DYSF: variants seen among roughly 807,000 people sequenced by gnomAD.
The protein encoded by DYSF is dysferlin, also known as dystrophy-associated fer-1-like 1.
DYSF carries 212 observed loss-of-function variants against 274.9 expected under a neutral mutation model. That is an observed-to-expected ratio of 0.77 (90% CI 0.69 to 0.86). The LOEUF (loss-of-function observed/expected upper bound fraction) is 0.86. DYSF is among the 40% of genes least tolerant of loss of function. The pLI, the probability that DYSF is intolerant of heterozygous loss-of-function variation, is 0.00. For missense variants in DYSF, 2,666 were observed against 2,783.2 expected (o/e 0.96, Z 0.95); for synonymous variants, 1,091 against 1,078.7 (o/e 1.01, Z -0.22).
intron 17 of DYSF, among the ~76,000 whole-genome samples, chr2:71,544,297 G>T (rs1432567170): frequency 6.6e-6 from 1 of 152,048 alleles, no homozygotes; most frequent in Non-Finnish European, 1.5e-5. Flanking sequence ...CATCTCCTCA[G>T]ATCTTTAGCT....
intron 30 of DYSF, among the ~76,000 whole-genome samples, chr2:71,579,881 G>T (rs529779813): frequency 6.6e-6 from 1 of 152,366 alleles, no homozygotes; most frequent in South Asian, 2.1e-4. Context: ...AGGAAGGTCT[G>T]CTGGACAGTG....
At chr2:71,632,597 T>A (rs2094333089) in intron 41 of DYSF, among the ~76,000 whole-genome samples, 2 of 152,226 alleles carry the variant, frequency 1.3e-5, no homozygotes, top group Admixed American at 1.3e-4. Flanking sequence ...TAAGGTATGC[T>A]GCCCAGGCCC....
At chr2:71,471,763 A>G (rs2082049650) in intron 1 of DYSF, among the ~76,000 whole-genome samples, 1 of 152,180 alleles carries the variant, frequency 6.6e-6, no homozygotes, top group Non-Finnish European at 1.5e-5. Flanking sequence ...TGAGGCCAGG[A>G]GTTCCAGGCC....
intron 26 of DYSF, among the ~76,000 whole-genome samples, chr2:71,569,570 C>T (rs1475481171): frequency 6.6e-6 from 1 of 152,196 alleles, no homozygotes; most frequent in East Asian, 1.9e-4. Flanking sequence ...CTTTTGCTGT[C>T]TTCAGTTGGC....
intron 14 of DYSF, among the ~76,000 whole-genome samples, chr2:71,529,136 A>C (rs2088347946): frequency 6.6e-6 from 1 of 152,190 alleles, no homozygotes; most frequent in Admixed American, 6.5e-5. Context: ...AAACTGCCCC[A>C]TATCCAAAAG....
rs564819630 is a variant in DYSF at position 71,550,611 on chromosome 2, G to A, written c.1577-430G>A. Among the ~76,000 whole-genome samples, 42 of 152,208 alleles carry A rather than the reference G, an allele frequency of 2.8e-4. 1 individual carries two copies. The highest frequency in any genetic ancestry group is 2.0e-4 in the Admixed American group (3 of 15,300). ...CAGGGCCTACAGTGCCTATAGAAGC[G>A]TAGGATGGAGAGCACATGCAGGACA... On this transcript the variant is annotated intron_variant, in intron 17 of 55. Coordinates refer to ENST00000410020, the MANE Select transcript of DYSF (RefSeq NM_001130987.2).
At chr2:71,583,985 A>T (rs2092981146) in intron 30 of DYSF, among the ~76,000 whole-genome samples, 1 of 152,122 alleles carries the variant, frequency 6.6e-6, no homozygotes, top group Admixed American at 6.5e-5. Context: ...AGCGGGTTGG[A>T]GGCCACCCAG....
intron 17 of DYSF, among the ~76,000 whole-genome samples, chr2:71,548,360 T>C (rs527790852): frequency 5.2e-4 from 79 of 152,314 alleles, no homozygotes; most frequent in African/African-American, 1.9e-3. Context: ...AAACGAGTGT[T>C]TTCTGGAGGA....
At chr2:71,483,142 G>A (rs1451043692) in intron 3 of DYSF, among the ~76,000 whole-genome samples, 1 of 152,214 alleles carries the variant, frequency 6.6e-6, no homozygotes, top group Non-Finnish European at 1.5e-5. Flanking sequence ...ATGGTGTGGG[G>A]AGGGTGGGGC....
intron 39 of DYSF, among the ~76,000 whole-genome samples, chr2:71,613,021 G>C (rs1409419941): frequency 1.3e-5 from 2 of 152,158 alleles, no homozygotes; most frequent in African/African-American, 4.8e-5. Flanking sequence ...ATACCCGTTG[G>C]AGCTGAGGGG....
intron 41 of DYSF, among the ~76,000 whole-genome samples, chr2:71,633,986 C>T (rs1463691107): frequency 1.3e-5 from 2 of 152,146 alleles, no homozygotes; most frequent in Non-Finnish European, 2.9e-5. Context: ...TTTGGGTCTT[C>T]AGGGGGATTA....
chr2:71,627,357 A>G (rs1366555037), intron 41 of DYSF, among the ~76,000 whole-genome samples: 1 of 151,998 alleles, frequency 6.6e-6, no homozygotes, highest in Non-Finnish European at 1.5e-5. Context: ...GTCTAAAAAT[A>G]TGGTTTTTGG....
chr2:71,583,010 C>T (rs944443942), intron 30 of DYSF, among the ~76,000 whole-genome samples: 1 of 123,204 alleles, frequency 8.1e-6, no homozygotes, highest in African/African-American at 3.2e-5. Context: ...CGCCACTGCA[C>T]TCCAGCTTGG....
At chr2:71,642,347 C>T (rs984153279) in intron 41 of DYSF, among the ~76,000 whole-genome samples, 1 of 152,218 alleles carries the variant, frequency 6.6e-6, no homozygotes, top group Admixed American at 6.5e-5. Context: ...TTAGCATACA[C>T]ATCTCCTTTG....
At chr2:71,623,895 C>T (rs1278194225) in intron 41 of DYSF, among the ~76,000 whole-genome samples, 1 of 152,110 alleles carries the variant, frequency 6.6e-6, no homozygotes, top group Non-Finnish European at 1.5e-5. Flanking sequence ...ATAGTGAAAC[C>T]CTGTCTCTAC....
chr2:71,556,054 G>A lies in DYSF; in HGVS notation c.2199G>A (p.Glu733=), dbSNP rs1423146256. The A allele has an allele frequency of 1.9e-6, 3 of 1,573,782 alleles. No individual in the cohort carries two copies. The East Asian group carries it at 6.9e-5, about 36-fold the overall frequency. The change falls in exon 22 of 56, where the codon GAG becomes GAA. Residue 733 remains glutamate (E), a synonymous_variant. Coordinates refer to ENST00000410020, the MANE Select transcript of DYSF (RefSeq NM_001130987.2). ...VDSLVAQLTD[E]LIAGCSQPLG... is the part of the protein sequence containing the mutation. ...CGCTGGTGGCTCAGCTGACGGATGA[G>A]CTCATCGCAGGCTGCAGGTAGGGGG...
intron 14 of DYSF, 137 bp downstream of exon 14, chr2:71,528,538 G>A (rs967115566): frequency 2.8e-5 from 21 of 742,284 alleles, no homozygotes; most frequent in Non-Finnish European, 3.7e-5. Flanking sequence ...ATCCTGGTGC[G>A]TGGTGAGACA....
intron 22 of DYSF, among the ~76,000 whole-genome samples, chr2:71,560,697 C>T (rs1340611514): frequency 6.6e-6 from 1 of 152,132 alleles, no homozygotes; most frequent in Non-Finnish European, 1.5e-5. Context: ...TGCGCTCCGG[C>T]GGTAATTGGT....
intron 5 of DYSF, 101 bp from the exon 6 acceptor site, chr2:71,513,139 G>A: frequency 9.0e-7 from 1 of 1,112,304 alleles, no homozygotes; most frequent in East Asian, 2.6e-5. Flanking sequence ...GGCTGGGGTG[G>A]GCGGGGAAGG....
Sources: gnomAD v4.1 joint callset for allele counts (sites outside exome capture counted in the v4.1 genomes callset) on GRCh38, gnomAD v4.1.1 for gene constraint, MANE v1.5 for transcripts, NCBI Gene and HGNC (gene_info 2026-07-23, HGNC 2026-07-21) for gene names.